Variants in ROBO2 observed in about 807,000 individuals in gnomAD.
ROBO2 encodes the protein roundabout guidance receptor 2.
Under a neutral mutation model 160.8 loss-of-function variants are expected in ROBO2, and 53 were observed. The observed-to-expected ratio is 0.33, with a 90% CI of 0.26 to 0.41. ROBO2 has a LOEUF of 0.41. Ranked by LOEUF, ROBO2 falls within the 10% of genes least tolerant of loss-of-function variation. ROBO2 has a pLI of 1.00. For missense variants in ROBO2, 1,577 were observed against 1,722.4 expected (o/e 0.92, Z 1.49); for synonymous variants, 664 against 611.7 (o/e 1.09, Z -1.26).
chr3:77,264,025 CA>C (rs1185768029), intron 2 of ROBO2, among the ~76,000 whole-genome samples: 2 of 140,616 alleles, frequency 1.4e-5, no homozygotes, highest in Non-Finnish European at 3.2e-5. Flanking sequence ...TCACCTTCAT[CA>C]TCACATTCAT....
At chr3:77,016,581 C>T (rs1317982148) in intron 2 of ROBO2, among the ~76,000 whole-genome samples, 1 of 152,080 alleles carries the variant, frequency 6.6e-6, no homozygotes, top group Admixed American at 6.5e-5. Flanking sequence ...TACAAAATGC[C>T]AGTATTTGAA....
At chr3:76,484,422 G>A (rs2079379753) in intron 2 of ROBO2, among the ~76,000 whole-genome samples, 1 of 152,096 alleles carries the variant, frequency 6.6e-6, no homozygotes, top group African/African-American at 2.4e-5. Context: ...CTGTGCTCAG[G>A]GGCAGGAATG....
intron 2 of ROBO2, among the ~76,000 whole-genome samples, chr3:77,009,945 TAAAAAAA>T (rs11436984): frequency 3.9e-4 from 41 of 104,456 alleles, no homozygotes; most frequent in Middle Eastern, 5.5e-3. Context: ...GACTCTGTCT[TAAAAAAA>T]AAAAAAAAAA....
intron 2 of ROBO2, among the ~76,000 whole-genome samples, chr3:77,360,414 G>A (rs2069785897): frequency 6.6e-6 from 1 of 151,958 alleles, no homozygotes; most frequent in Admixed American, 6.6e-5. Flanking sequence ...GGTGGGAGTA[G>A]GTAAAAATAA....
At chr3:77,589,923 A>G (rs1357512762) in intron 17 of ROBO2, among the ~76,000 whole-genome samples, 1 of 152,156 alleles carries the variant, frequency 6.6e-6, no homozygotes, top group Non-Finnish European at 1.5e-5. Flanking sequence ...TTGTATTCCT[A>G]ATATTAAATT....
chr3:76,469,662 C>G (rs1240086333), intron 2 of ROBO2, among the ~76,000 whole-genome samples: 4 of 151,994 alleles, frequency 2.6e-5, no homozygotes, highest in Non-Finnish European at 5.9e-5. Context: ...GGTAGAATGA[C>G]TATTCCCACT....
intron 19 of ROBO2, among the ~76,000 whole-genome samples, chr3:77,597,003 T>C (rs575749756): frequency 1.3e-5 from 2 of 152,158 alleles, no homozygotes; most frequent in Admixed American, 1.3e-4. Context: ...ATATTTATAA[T>C]ATATATGCTT....
intron 2 of ROBO2, among the ~76,000 whole-genome samples, chr3:76,089,840 A>T (rs1172592047): frequency 6.6e-6 from 1 of 152,166 alleles, no homozygotes; most frequent in African/African-American, 2.4e-5. Context: ...ATCAAATAAG[A>T]AAACAAAATT....
chr3:77,300,673 C>T (rs1361969241), intron 2 of ROBO2, among the ~76,000 whole-genome samples: 3 of 151,884 alleles, frequency 2.0e-5, no homozygotes, highest in East Asian at 1.9e-4. Flanking sequence ...TTTAAATAAA[C>T]TCTATGACTT....
chr3:76,027,920 T>C (rs549264563), intron 2 of ROBO2, among the ~76,000 whole-genome samples: 1 of 152,130 alleles, frequency 6.6e-6, no homozygotes, highest in East Asian at 1.9e-4. Context: ...TAGGATACTT[T>C]TTCTGGAAAC....
chr3:76,351,150 A>G (rs2074849265), intron 2 of ROBO2, among the ~76,000 whole-genome samples: 1 of 151,938 alleles, frequency 6.6e-6, no homozygotes, highest in Non-Finnish European at 1.5e-5. Context: ...TCTCTTTTAT[A>G]GGTAAAAAAA....
chr3:77,561,703 T>C (rs560041544), intron 9 of ROBO2, among the ~76,000 whole-genome samples: 6 of 152,294 alleles, frequency 3.9e-5, no homozygotes, highest in African/African-American at 1.2e-4. Flanking sequence ...AGTCACTCCA[T>C]AGCCACATTT....
chr3:77,219,434 G>GTATATATATATATATATATATATA (rs369099644), intron 2 of ROBO2, among the ~76,000 whole-genome samples: 16 of 115,244 alleles, frequency 1.4e-4, no homozygotes, highest in Non-Finnish European at 2.3e-4. Context: ...GTATGTGTGT[G>GTATATATATATATATATATATATA]TATATATATA....
intron 2 of ROBO2, among the ~76,000 whole-genome samples, chr3:76,208,624 C>T (rs973167241): frequency 2.0e-5 from 3 of 152,100 alleles, no homozygotes; most frequent in Non-Finnish European, 4.4e-5. Flanking sequence ...TAATCTGCCA[C>T]GTTGACTTCT....
chr3:76,625,280 A>G lies in ROBO2; in HGVS notation c.110-472734A>G, dbSNP rs1335873865. Among the ~76,000 whole-genome samples the G allele has an allele frequency of 6.6e-5, 10 of 152,272 alleles. No individual in the cohort carries two copies. The South Asian group carries it at 1.0e-3, about 16-fold the overall frequency. The stretch of plus-strand genomic sequence containing the variant: ...GGCTTTTTTTCATTTTCTACTCACC[A>G]TGTTTATATTAGCTTCTTTTTAAGA... On this transcript the variant is annotated intron_variant, in intron 2 of 26. Coordinates refer to the ROBO2 transcript ENST00000487694.
intron 2 of ROBO2, among the ~76,000 whole-genome samples, chr3:75,945,500 G>T (rs1948249246): frequency 6.6e-6 from 1 of 152,110 alleles, no homozygotes; most frequent in Non-Finnish European, 1.5e-5. Context: ...TGGAAAGTTC[G>T]TAGGGACCTT....
At chr3:77,150,151 G>A (rs1229034765) in intron 2 of ROBO2, among the ~76,000 whole-genome samples, 1 of 152,104 alleles carries the variant, frequency 6.6e-6, no homozygotes, top group Admixed American at 6.6e-5. Flanking sequence ...AGAATTTAAC[G>A]AAAACACTCA....
At chr3:76,705,324 T>G (rs2093137783) in intron 2 of ROBO2, among the ~76,000 whole-genome samples, 3 of 152,144 alleles carry the variant, frequency 2.0e-5, no homozygotes. Context: ...CTAATACAAT[T>G]AACTTTTCAT....
intron 2 of ROBO2, among the ~76,000 whole-genome samples, chr3:77,023,305 TG>T (rs1368066401): frequency 3.3e-5 from 5 of 152,200 alleles, no homozygotes; most frequent in Non-Finnish European, 7.3e-5. Context: ...CCCAGCCATG[TG>T]AAACTGTAAG....
Sources: allele counts gnomAD v4.1 joint callset (sites outside exome capture counted in the v4.1 genomes callset), GRCh38; gene constraint gnomAD v4.1.1; transcripts MANE v1.5; gene names NCBI Gene and HGNC (gene_info 2026-07-23, HGNC 2026-07-21).